The following AP1G1 variants were observed in gnomAD, a reference collection of about 807,000 sequenced individuals.
The protein encoded by AP1G1 is adaptor related protein complex 1 subunit gamma 1, also known as AP-1 complex subunit gamma-1.
AP1G1 carries 7 observed loss-of-function variants against 108.3 expected under a neutral mutation model. The observed-to-expected ratio is 0.06, with a 90% CI of 0.04 to 0.12. AP1G1 has a LOEUF of 0.12. Among genes scored for constraint, AP1G1 ranks in the 10% least tolerant of loss-of-function variants. The pLI is 1.00. For synonymous variants in AP1G1, 379 were observed against 353.5 expected (o/e 1.07, Z -0.81); for missense variants, 756 against 1,010.7 (o/e 0.75, Z 3.42).
rs2045482583 is a variant in AP1G1, at chr16:71,732,341, C to T, written c.*717G>A. On this transcript the variant is annotated 3_prime_UTR_variant, in exon 23 of 23. Coordinates refer to ENST00000299980, the MANE Select transcript of AP1G1 (RefSeq NM_001128.6). ...TCTATTACAAATAGAGCACCATATCCTTCATGCCAAATCTCAACAAAAGCT... is the reference window on the plus strand; with the variant it reads ...TCTATTACAAATAGAGCACCATATCTTTCATGCCAAATCTCAACAAAAGCT... 1 of 152,602 alleles carries T rather than the reference C, an allele frequency of 6.6e-6. No homozygotes were observed. The highest frequency in any genetic ancestry group is 1.5e-5 in the Non-Finnish European group (1 of 68,038). 9.5% of individuals were successfully genotyped at this position (152,602 alleles called of 1,614,324 possible).
chr16:71,788,347 A>C (rs6499540), intron 2 of AP1G1, among the ~76,000 whole-genome samples: 130,586 of 151,964 alleles, frequency 0.86, 56,272 homozygotes, highest in East Asian at 0.99. Flanking sequence ...AATAAAAAAA[A>C]CCCACTATTT....
At position 71,764,708 on chromosome 16, in the gene AP1G1, A is replaced by G. The variant is rs2031242211; in HGVS notation, c.757T>C (p.Leu253=). ...PFLQVRILRL[L]RILGRNDDDS... is the part of the protein sequence containing the mutation. Reference sequence around the variant, plus strand: ...TCATCATTTCGTCCTAAAATTCTTAATAACCGCAAAATTCGTACCTAACGT... The same window carrying G: ...TCATCATTTCGTCCTAAAATTCTTAGTAACCGCAAAATTCGTACCTAACGT... Residue 253 remains leucine, a synonymous_variant, in exon 8 of 23, where the codon TTA becomes CTA. Coordinates refer to ENST00000299980, the MANE Select transcript of AP1G1 (RefSeq NM_001128.6). 1 of 1,611,214 alleles carries G rather than the reference A, an allele frequency of 6.2e-7. No individual in the cohort carries two copies. The highest frequency in any genetic ancestry group is 1.7e-5 in the Admixed American group (1 of 59,312).
chr16:71,799,474 A>G (rs2142277203), intron 1 of AP1G1, among the ~76,000 whole-genome samples: 1 of 152,302 alleles, frequency 6.6e-6, no homozygotes, highest in Non-Finnish European at 1.5e-5. Context: ...AGATAGAATT[A>G]TATTTACTGT....
Position 71,745,584 on chromosome 16 carries a change from C to G in AP1G1, c.1761G>C (p.Met587Ile), listed in dbSNP as rs1325160374. Reference sequence around the variant, plus strand: ...TAGGGCCATTTGTGGTCACTTTTTCCATGACAGGCATTCTCTCAAGTAGGG... The same window carrying G: ...TAGGGCCATTTGTGGTCACTTTTTCGATGACAGGCATTCTCTCAAGTAGGG... ...RSALLERMPV[M>I]EKVTTNGPTE... Residue 587 changes from methionine (M) to isoleucine (I), a missense_variant, in exon 18 of 23, where the codon ATG (methionine) becomes ATC (isoleucine). Around this residue, in one of 3 missense-constraint regions of AP1G1, gnomAD observed 357 missense variants for 366.5 expected, o/e 0.97. Transcript: ENST00000299980. 1.2e-6 allele frequency: 2 copies of G among 1,614,076 alleles called. No individual in the cohort carries two copies. The highest frequency in any genetic ancestry group is 8.5e-7 in the Non-Finnish European group (1 of 1,180,050).
intron 9 of AP1G1, among the ~76,000 whole-genome samples, chr16:71,762,120 T>C (rs2031115230): frequency 6.6e-6 from 1 of 152,142 alleles, no homozygotes; most frequent in South Asian, 2.1e-4. Context: ...AAAACTCCGT[T>C]AATAGCAAAT....
rs1351754061 is a variant in AP1G1 at position 71,808,739 on chromosome 16, C to T, written c.-4+24G>A. ...GGCGGGGCAAAAGCAGCAATATGCT[C>T]TCAGCGCCGGGAGTGACACTCACCG... On this transcript the variant is annotated intron_variant, in intron 1 of 22. Transcript: ENST00000299980. 3 of 1,288,582 alleles carry T rather than the reference C, an allele frequency of 2.3e-6. No individual in the cohort carries two copies. In the African/African-American group the frequency reaches 4.6e-5, roughly 20 times the overall value. The allele number at this position is 1,288,582 out of a possible 1,614,324, so 79.8% of individuals were successfully genotyped here. A position where few individuals can be genotyped will look rare whatever the true frequency, so the allele number is the denominator to read the frequency against.
chr16:71,804,408 A>ATT (rs71153664), intron 1 of AP1G1, among the ~76,000 whole-genome samples: 42,008 of 124,526 alleles, frequency 0.34, 7,654 homozygotes, highest in East Asian at 0.76. Flanking sequence ...TGCTCTCTTA[A>ATT]TTTTTTTTTT....
rs147405321 is a variant in AP1G1, at chr16:71,796,855, A to G, written c.-3-7373T>C. On this transcript the variant is annotated intron_variant, in intron 1 of 22. Coordinates refer to ENST00000299980, the MANE Select transcript of AP1G1 (RefSeq NM_001128.6). The stretch of plus-strand genomic sequence containing the variant: ...CTATAAATGCAAACATGCCTACTGA[A>G]CAATTCAACAGCACTGAGATGCATA... Among the ~76,000 whole-genome samples the G allele has an allele frequency of 5.9e-4, 90 of 152,222 alleles. 1 individual carries two copies. In the East Asian group the frequency reaches 0.01, roughly 17 times the overall value.
intron 1 of AP1G1, among the ~76,000 whole-genome samples, chr16:71,804,451 C>A (rs1383665669): frequency 6.7e-6 from 1 of 150,178 alleles, no homozygotes; most frequent in Non-Finnish European, 1.5e-5. Context: ...ATCTGTCACC[C>A]AGGCTGGAGT....
At chr16:71,768,587 AAAGT>A (rs2031420579) in intron 6 of AP1G1, among the ~76,000 whole-genome samples, 1 of 151,530 alleles carries the variant, frequency 6.6e-6, no homozygotes, top group Admixed American at 6.6e-5. Flanking sequence ...CAGTAGAGTA[AAAGT>A]AATAAAAAAA....
chr16:71,781,494 T>C (rs529365144), intron 2 of AP1G1, among the ~76,000 whole-genome samples: 1 of 152,330 alleles, frequency 6.6e-6, no homozygotes, highest in South Asian at 2.1e-4. Flanking sequence ...CATTTCTCCA[T>C]CCCAGAAGTA....
intron 1 of AP1G1, among the ~76,000 whole-genome samples, chr16:71,803,128 C>T (rs1021007877): frequency 4.0e-5 from 6 of 151,596 alleles, no homozygotes; most frequent in Non-Finnish European, 8.8e-5. Flanking sequence ...GCACAAGAAT[C>T]GCGGGAACCC....
chr16:71,804,328 G>T (rs1237282872), intron 1 of AP1G1, among the ~76,000 whole-genome samples: 2 of 151,736 alleles, frequency 1.3e-5, no homozygotes, highest in African/African-American at 2.4e-5. Flanking sequence ...TTACAGGCAT[G>T]AGCCACCTCG....
At chr16:71,772,904 T>C in intron 4 of AP1G1, 1 of 384,120 alleles carries the variant, frequency 2.6e-6, no homozygotes, top group Non-Finnish European at 5.0e-6. Flanking sequence ...AATACAAAGA[T>C]ATGGGTATTA....
intron 19 of AP1G1, 48 bp from the exon 20 acceptor site, chr16:71,739,389 A>G: frequency 7.0e-7 from 1 of 1,418,778 alleles, no homozygotes. Context: ...AGCATGACAA[A>G]GCTTACCAAG....
In AP1G1 at chr16:71,789,259, G is replaced by T; in HGVS notation, c.201+20C>A. On this transcript the variant is annotated intron_variant, in intron 2 of 22. Coordinates refer to ENST00000299980, the MANE Select transcript of AP1G1 (RefSeq NM_001128.6). ...ATGTCAAAGAATACCCTTGCTACAT[G>T]TAGTCTCAGCCCAGCCTACCTGTCC... The T allele has an allele frequency of 6.2e-7, 1 of 1,604,466 alleles. No individual in the cohort carries two copies.
At chr16:71,763,052 A>C (rs746193803) in intron 9 of AP1G1, among the ~76,000 whole-genome samples, 1 of 152,154 alleles carries the variant, frequency 6.6e-6, no homozygotes, top group Non-Finnish European at 1.5e-5. Context: ...TGTATAGGGA[A>C]ATAGCCCCAA....
Position 71,773,325 on chromosome 16 carries a change from C to G in AP1G1, c.364G>C (p.Ala122Pro), listed in dbSNP as rs745789425. The G allele has an allele frequency of 1.3e-6, 2 of 1,583,700 alleles. No individual in the cohort carries two copies. The highest frequency in any genetic ancestry group is 1.7e-6 in the Non-Finnish European group (2 of 1,170,954). Residue 122 changes from alanine to proline, a missense_variant, in exon 4 of 23, where the codon GCA becomes CCA. By Grantham distance (27) the Ala-to-Pro change is conservative. Coordinates refer to ENST00000299980, the MANE Select transcript of AP1G1 (RefSeq NM_001128.6). ...NHSTQFVQGL[A>P]LCTLGCMGSS... ...CCCATGCAGCCGAGGGTACAAAGTG[C>G]TAACCCCTGTACGAATTGCGTGCTA...
At chr16:71,765,715 G>A in intron 6 of AP1G1, 131 bp from the exon 7 acceptor site, 2 of 669,116 alleles carry the variant, frequency 3.0e-6, no homozygotes, top group Non-Finnish European at 5.4e-6. Context: ...TAATATACTA[G>A]TGTATTGTAG....
Sources: gnomAD v4.1 joint callset for allele counts (sites outside exome capture counted in the v4.1 genomes callset) on GRCh38, gnomAD v4.1.1 for gene constraint, gnomAD v4.1.1 regional missense constraint, MANE v1.5 for transcripts, NCBI Gene and HGNC (gene_info 2026-07-23, HGNC 2026-07-21) for gene names.